XRCC2: variants seen among roughly 807,000 people sequenced by gnomAD.
XRCC2 encodes the protein X-ray repair cross complementing 2, also known as DNA repair protein XRCC2.
XRCC2 carries 24 observed loss-of-function variants against 27.3 expected under a neutral mutation model. The ratio of observed to expected loss-of-function variants is 0.88; its 90% CI spans 0.64 to 1.24. The LOEUF is 1.24. XRCC2 is among the 50% of genes most tolerant of loss of function. The pLI, the probability that XRCC2 is intolerant of heterozygous loss-of-function variation, is 0.00. For synonymous variants in XRCC2, 106 were observed against 115.4 expected, an observed-to-expected ratio of 0.92 and a Z score of 0.52; for missense variants, 321 against 325.8, an observed-to-expected ratio of 0.99 and a Z score of 0.11.
intron 2 of XRCC2, among the ~76,000 whole-genome samples, chr7:152,652,403 C>A (rs545004424): frequency 6.6e-6 from 1 of 151,986 alleles, no homozygotes; most frequent in Non-Finnish European, 1.5e-5. Flanking sequence ...GAAGCGCAGA[C>A]GGGGAAACCA....
chr7:152,655,702 G>A (rs2098030439), intron 2 of XRCC2, among the ~76,000 whole-genome samples: 1 of 151,952 alleles, frequency 6.6e-6, no homozygotes, highest in Non-Finnish European at 1.5e-5. Flanking sequence ...ACAAGAGTGA[G>A]ACCCTGTCTC....
rs551457546 is a variant in XRCC2 at position 152,659,853 on chromosome 7, A to G, written c.121+848T>C. ...GAAAAACATGTACACAGATAACCAC[A>G]GCAGCATTATGCACAACAGCCAGCA... On this transcript the variant is annotated intron_variant, in intron 2 of 2. Transcript: ENST00000359321. Among the ~76,000 whole-genome samples, 84 of 152,342 alleles carry G rather than the reference A, an allele frequency of 5.5e-4. No homozygotes were observed. The Middle Eastern group carries it at 0.024, about 43-fold the overall frequency.
intron 1 of XRCC2, among the ~76,000 whole-genome samples, chr7:152,668,027 C>CAA (rs59503175): frequency 0.013 from 1,348 of 105,602 alleles, 25 homozygotes; most frequent in Admixed American, 0.035. Flanking sequence ...GACTCCATCT[C>CAA]AAAAAAAAAA....
chr7:152,654,429 A>G (rs1490679759), intron 2 of XRCC2, among the ~76,000 whole-genome samples: 1 of 152,204 alleles, frequency 6.6e-6, no homozygotes, highest in African/African-American at 2.4e-5. Context: ...AGGAAGAAAA[A>G]CATTACAGGG....
chr7:152,673,174 G>A (rs2117010945), intron 1 of XRCC2, among the ~76,000 whole-genome samples: 1 of 152,098 alleles, frequency 6.6e-6, no homozygotes, highest in East Asian at 1.9e-4. Flanking sequence ...CCTAGAATCT[G>A]CTAAAAAAAT....
chr7:152,653,659 G>A (rs2098029473), intron 2 of XRCC2, among the ~76,000 whole-genome samples: 1 of 151,762 alleles, frequency 6.6e-6, no homozygotes, highest in Non-Finnish European at 1.5e-5. Flanking sequence ...ATGGAGTCTT[G>A]CTGAGTTGCC....
Position 152,666,291 on chromosome 7 carries a change from A to G in XRCC2, c.40-5509T>C, listed in dbSNP as rs1359514659. Among the ~76,000 whole-genome samples, 25 of 151,874 alleles carry G rather than the reference A, an allele frequency of 1.6e-4. 1 individual carries two copies. On this transcript the variant is annotated intron_variant, in intron 1 of 2. Coordinates refer to ENST00000359321, the MANE Select transcript of XRCC2 (RefSeq NM_005431.2). ...CAGTGATGACATCATGGCTCTCTGC[A>G]GCCTTGACCTCTTGGGCCCATGCAA...
chr7:152,674,781 AAT>A (rs200375595), intron 1 of XRCC2, among the ~76,000 whole-genome samples: 1 of 132,802 alleles, frequency 7.5e-6, no homozygotes, highest in Non-Finnish European at 1.5e-5. Flanking sequence ...TATATTTTTA[AAT>A]ATATATATAT....
At chr7:152,658,012 C>G (rs868444896) in intron 2 of XRCC2, among the ~76,000 whole-genome samples, 55 of 149,528 alleles carry the variant, frequency 3.7e-4, no homozygotes, top group African/African-American at 1.3e-3. Context: ...GTCACCCAGG[C>G]TGGAGTGAAG....
At chr7:152,650,248 A>T (rs183951950) in intron 2 of XRCC2, among the ~76,000 whole-genome samples, 21 of 152,370 alleles carry the variant, frequency 1.4e-4, no homozygotes, top group Middle Eastern at 3.4e-3. Flanking sequence ...AACTGAAAAC[A>T]ACCTTACACG....
chr7:152,661,329 T>C (rs1214014623), intron 1 of XRCC2, among the ~76,000 whole-genome samples: 2 of 152,218 alleles, frequency 1.3e-5, no homozygotes, highest in Non-Finnish European at 2.9e-5. Flanking sequence ...GACAAACTGC[T>C]ATGGCAAAAT....
chr7:152,653,914 A>G (rs1255151495), intron 2 of XRCC2, among the ~76,000 whole-genome samples: 4 of 152,116 alleles, frequency 2.6e-5, no homozygotes, highest in African/African-American at 9.7e-5. Context: ...CAAGATGGTA[A>G]GCCGGGCGCG....
At chr7:152,660,610 C>T in intron 2 of XRCC2, 91 bp downstream of exon 2, 2 of 1,069,016 alleles carry the variant, frequency 1.9e-6, no homozygotes, top group Non-Finnish European at 2.7e-6. Flanking sequence ...TGTATAAACT[C>T]TTGTGAGGAG....
chr7:152,653,987 G>A (rs1350376441), intron 2 of XRCC2, among the ~76,000 whole-genome samples: 2 of 152,090 alleles, frequency 1.3e-5, no homozygotes. Flanking sequence ...CCTGAGGTCA[G>A]GAGTTCAAGA....
At chr7:152,662,565 A>ATTTTTTTTTTTT (rs11323323) in intron 1 of XRCC2, among the ~76,000 whole-genome samples, 1 of 67,770 alleles carries the variant, frequency 1.5e-5, no homozygotes, top group Non-Finnish European at 2.7e-5. Context: ...TTTTATTTGC[A>ATTTTTTTTTTTT]TTTTTTTTTT....
intron 1 of XRCC2, among the ~76,000 whole-genome samples, chr7:152,663,347 A>T (rs73484863): frequency 0.051 from 719 of 14,120 alleles, 16 homozygotes; most frequent in African/African-American, 0.11. Flanking sequence ...TCTTTGAAGT[A>T]AAAAAAAAAA....
chr7:152,664,164 T>C (rs2098034604), intron 1 of XRCC2, among the ~76,000 whole-genome samples: 1 of 152,226 alleles, frequency 6.6e-6, no homozygotes, highest in Non-Finnish European at 1.5e-5. Flanking sequence ...AACTTTGTCC[T>C]ATTGTGTCTC....
intron 2 of XRCC2, among the ~76,000 whole-genome samples, chr7:152,650,969 T>C (rs1295469553): frequency 2.0e-5 from 3 of 152,296 alleles, no homozygotes; most frequent in African/African-American, 4.8e-5. Flanking sequence ...AGATGGAGTC[T>C]TGTTCTGTTG....
intron 2 of XRCC2, among the ~76,000 whole-genome samples, chr7:152,653,025 C>T (rs2098029189): frequency 6.6e-6 from 1 of 152,132 alleles, no homozygotes; most frequent in Non-Finnish European, 1.5e-5. Context: ...GGCCTCAGTT[C>T]TGCAGGTGAT....
Sources: allele counts gnomAD v4.1 joint callset (sites outside exome capture counted in the v4.1 genomes callset), GRCh38; gene constraint gnomAD v4.1.1; transcripts MANE v1.5; gene names NCBI Gene and HGNC (gene_info 2026-07-23, HGNC 2026-07-21).